Variants in ZSCAN29 observed in about 807,000 individuals in gnomAD.
ZSCAN29 encodes zinc finger and SCAN domain-containing protein 29.
ZSCAN29 carries 55 observed loss-of-function variants against 71.9 expected under a neutral mutation model. That is an observed-to-expected ratio of 0.76 (90% confidence interval 0.62 to 0.96). The LOEUF (loss-of-function observed/expected upper bound fraction) is 0.96, where lower values mean the gene tolerates loss of function less well. Among genes scored for constraint, ZSCAN29 ranks in the 40% least tolerant of loss-of-function variants. The probability of loss-of-function intolerance (pLI) is 0.00; values close to 1 mark genes in which losing one functional copy is unlikely to be tolerated. For missense variants in ZSCAN29, 1,042 were observed against 1,042.2 expected, an observed-to-expected ratio of 1.00 and a Z score of 0.00; for synonymous variants, 351 against 371.6, an observed-to-expected ratio of 0.94 and a Z score of 0.64.
intron 2 of ZSCAN29, 95 bp downstream of exon 2, chr15:43,369,501 G>C: frequency 7.3e-7 from 1 of 1,371,068 alleles, no homozygotes; most frequent in Non-Finnish European, 1.0e-6. Context: ...GCCTCACCAA[G>C]GGAGACTGTG....
Position 43,360,936 on chromosome 15 carries a change from G to T in ZSCAN29, c.*137C>A. ...TTTGAGTCTAGATCAGGAAAAACAA[G>T]GAACAAACAGTGGCATAAATCCTAA... is the stretch of plus-strand genomic sequence containing the variant. On this transcript the variant is annotated 3_prime_UTR_variant, in exon 6 of 6. Coordinates refer to ENST00000684362, the MANE Select transcript of ZSCAN29 (RefSeq NM_001372080.1). 2 of 1,234,244 alleles carry T rather than the reference G, an allele frequency of 1.6e-6. No individual in the cohort carries two copies. The highest frequency in any genetic ancestry group is 2.3e-5 in the East Asian group (1 of 42,656). 76.5% of individuals were successfully genotyped at this position (1,234,244 alleles called of 1,614,324 possible).
Position 43,366,228 on chromosome 15 carries a change from C to G in ZSCAN29, c.1104G>C (p.Gln368His). Residue 368 changes from glutamine (Q) to histidine (H), a missense_variant, in exon 4 of 6, where the codon CAG (glutamine) becomes CAC (histidine). By Grantham distance (24) the Gln-to-His change is conservative. Coordinates refer to ENST00000684362, the MANE Select transcript of ZSCAN29 (RefSeq NM_001372080.1). ...ETEEPGQRGW[Q>H]HEEGAEEAVA... ...CAGCCTCTTCTGCTCCCTCCTCATG[C>G]TGCCAGCCCCTCTGCCCTGGCTCTT... The G allele has an allele frequency of 6.2e-7, 1 of 1,613,898 alleles. No homozygotes were observed. Among genetic ancestry groups the G allele is most frequent in the Non-Finnish European group, 8.5e-7 (1 of 1,180,038 alleles).
intron 5 of ZSCAN29, 189 bp downstream of exon 5, chr15:43,363,726 G>A: frequency 1.8e-6 from 1 of 555,890 alleles, no homozygotes; most frequent in Non-Finnish European, 3.1e-6. Context: ...GCTCTAGTGT[G>A]GGAAGTCAAG....
At chr15:43,364,927 A>C (rs993704915) in intron 4 of ZSCAN29, among the ~76,000 whole-genome samples, 2 of 151,780 alleles carry the variant, frequency 1.3e-5, no homozygotes, top group Non-Finnish European at 2.9e-5. Flanking sequence ...TGAAAGAACA[A>C]TGATAATGAA....
intron 3 of ZSCAN29, 52 bp downstream of exon 3, chr15:43,368,871 A>G: frequency 6.7e-7 from 1 of 1,497,738 alleles, no homozygotes. Flanking sequence ...TCCCAACCCT[A>G]CTTCCCAACT....
rs1029706906 is a variant in ZSCAN29 at position 43,358,401 on chromosome 15, ATC to A, written c.*2670_*2671del. The A allele has an allele frequency of 4.6e-5, 7 of 151,948 alleles. No homozygotes were observed. Among genetic ancestry groups the A allele is most frequent in the Admixed American group, 4.6e-4 (7 of 15,250 alleles). 9.4% of individuals were successfully genotyped at this position (151,948 alleles called of 1,614,324 possible). On this transcript the variant is annotated 3_prime_UTR_variant, in exon 6 of 6. Coordinates refer to ENST00000684362, the MANE Select transcript of ZSCAN29 (RefSeq NM_001372080.1). ...GACATTACAGCACACTTCCTAAATC[ATC>A]TGAGATCCTGAGGCACTGCTTCAGA...
chr15:43,369,563 A>C lies in ZSCAN29; in HGVS notation c.318+33T>G, dbSNP rs910166518. The C allele has an allele frequency of 3.1e-6, 5 of 1,590,954 alleles. No individual in the cohort carries two copies. The South Asian group carries it at 4.6e-5, about 15-fold the overall frequency. ...AATTTAGCCCTCCACCCAGTATCAC[A>C]CTTTTGAATTTGAATTCCCCCTCCC... is the stretch of plus-strand genomic sequence containing the variant. On this transcript the variant is annotated intron_variant, in intron 2 of 5. Transcript: ENST00000684362.
chr15:43,367,243 C>G (rs1023686311), intron 3 of ZSCAN29, among the ~76,000 whole-genome samples: 3 of 152,150 alleles, frequency 2.0e-5, no homozygotes, highest in Non-Finnish European at 2.9e-5. Flanking sequence ...CCTTAGTAGT[C>G]CTTCCTCTCT....
rs141062118 is a variant in ZSCAN29, at chr15:43,366,775, C to T, written c.557G>A (p.Arg186Lys). The T allele has an allele frequency of 1.5e-5, 24 of 1,613,488 alleles. No homozygotes were observed. In the African/African-American group the frequency reaches 2.9e-4, roughly 20 times the overall value. Reference sequence around the variant, plus strand: ...GATCCATGGCTCTCCTTGCTCCAACCTGGAGACCACACCGGATTTAGGAAA... The same window carrying T: ...GATCCATGGCTCTCCTTGCTCCAACTTGGAGACCACACCGGATTTAGGAAA... ...LPFPKSGVVS[R>K]LEQGEPWIPD... The change falls in exon 4 of 6, where the codon AGG becomes AAG. Residue 186 changes from arginine (R) to lysine (K), a missense_variant. Arg to Lys is a conservative substitution (Grantham distance 26). Transcript: ENST00000684362.
chr15:43,368,680 C>T (rs1052959595), intron 3 of ZSCAN29, among the ~76,000 whole-genome samples: 3 of 151,806 alleles, frequency 2.0e-5, no homozygotes, highest in South Asian at 2.1e-4. Context: ...AAAATAATGA[C>T]CTATACTATC....
Position 43,369,736 on chromosome 15 carries a change from G to A in ZSCAN29, c.178C>T (p.Leu60=). The A allele has an allele frequency of 6.2e-7, 1 of 1,614,234 alleles. No homozygotes were observed. Among genetic ancestry groups the A allele is most frequent in the Non-Finnish European group, 8.5e-7 (1 of 1,180,052 alleles). Residue 60 remains leucine, a synonymous_variant, in exon 2 of 6, where the codon CTG becomes TTG. Coordinates refer to ENST00000684362, the MANE Select transcript of ZSCAN29 (RefSeq NM_001372080.1). ...EVRTKEQIVE[L]LVLEQFLTVL... is the part of the protein sequence containing the mutation. ...GTCAGGAACTGCTCTAGCACCAACA[G>A]TTCTACAATCTGCTCCTTGGTGCGC... is the stretch of plus-strand genomic sequence containing the variant.
chr15:43,363,980 T>A lies in ZSCAN29; in HGVS notation c.1625A>T (p.Glu542Val). Residue 542 changes from glutamate to valine, a missense_variant, in exon 5 of 6, where the codon GAG (glutamate) becomes GTG (valine). Coordinates refer to ENST00000684362, the MANE Select transcript of ZSCAN29 (RefSeq NM_001372080.1). ...ATEEDSDDDE[E>V]DTEIPPGAVI... Reference sequence around the variant, plus strand: ...AGCCCCTGGGGGTATCTCAGTATCCTCTTCATCATCATCAGAATCTTCCTC... The same window carrying A: ...AGCCCCTGGGGGTATCTCAGTATCCACTTCATCATCATCAGAATCTTCCTC... The A allele has an allele frequency of 6.2e-7, 1 of 1,613,940 alleles. No homozygotes were observed. The highest frequency in any genetic ancestry group is 2.2e-5 in the East Asian group (1 of 44,886).
rs983439332 is a variant in ZSCAN29, at chr15:43,359,362, A to G, written c.*1711T>C. The G allele has an allele frequency of 6.6e-6, 1 of 152,272 alleles. No homozygotes were observed. Among genetic ancestry groups the G allele is most frequent in the East Asian group, 1.9e-4 (1 of 5,200 alleles). 9.4% of individuals were successfully genotyped at this position (152,272 alleles called of 1,614,324 possible). A position where few individuals can be genotyped will look rare whatever the true frequency, so the allele number is the denominator to read the frequency against. On this transcript the variant is annotated 3_prime_UTR_variant, in exon 6 of 6. Transcript: ENST00000684362. ...AGGACCTGTTGACCTTGTGCTATAC[A>G]GGGCTCATCATACTATGAGCATATG...
rs1566886146 is a variant in ZSCAN29, at chr15:43,370,979, C to CGGCCCCGGCCCCGGCCCT, written c.-535_-534insAGGGCCGGGGCCGGGGCC. ...CCCACTCGGGGTCCGACCCTGACCC[C>CGGCCCCGGCCCCGGCCCT]GGCCCCGGCCCCGGCCCCGGCCCCG... On this transcript the variant is annotated 5_prime_UTR_variant, in exon 1 of 6. Coordinates refer to ENST00000684362, the MANE Select transcript of ZSCAN29 (RefSeq NM_001372080.1). The CGGCCCCGGCCCCGGCCCT allele has an allele frequency of 1.6e-5, 2 of 121,280 alleles. No homozygotes were observed. Among genetic ancestry groups the CGGCCCCGGCCCCGGCCCT allele is most frequent in the Admixed American group, 1.1e-4 (1 of 9,256 alleles). The allele number at this position is 121,280 out of a possible 1,614,324, so 7.5% of individuals were successfully genotyped here.
rs1273811782 is a variant in ZSCAN29 at position 43,369,766 on chromosome 15, C to T, written c.148G>A (p.Glu50Lys). Residue 50 changes from glutamate (E) to lysine (K), a missense_variant, in exon 2 of 6, where the codon GAG becomes AAG. Physicochemically the swap from Glu to Lys is moderately conservative, Grantham distance 56 (BLOSUM62 1). Transcript: ENST00000684362. ...WELCCRWLRPEVRTKEQIVEL... is the reference protein window; with the variant it reads ...WELCCRWLRPKVRTKEQIVEL... ...ACAATCTGCTCCTTGGTGCGCACCT[C>T]CGGCCTTAGCCACCGACAGCAAAGT... The T allele has an allele frequency of 1.9e-6, 3 of 1,614,288 alleles. No individual in the cohort carries two copies. Among genetic ancestry groups the T allele is most frequent in the Non-Finnish European group, 2.5e-6 (3 of 1,180,062 alleles).
chr15:43,370,268 C>G (rs1420290258), intron 1 of ZSCAN29: 1 of 250,418 alleles, frequency 4.0e-6, no homozygotes, highest in African/African-American at 2.3e-5. Flanking sequence ...ATTTAACTTC[C>G]CTGGCCAATG....
chr15:43,358,580 T>C lies in ZSCAN29; in HGVS notation c.*2493A>G, dbSNP rs774843974. ...ACACAACAAGCTATGAATTATAGAA[T>C]ACTATATCTTCCTACTGCTCTCCCT... On this transcript the variant is annotated 3_prime_UTR_variant, in exon 6 of 6. Transcript: ENST00000684362. The C allele has an allele frequency of 2.1e-4, 32 of 152,230 alleles. No individual in the cohort carries two copies. The highest frequency in any genetic ancestry group is 1.4e-3 in the Admixed American group (22 of 15,286). 9.4% of individuals were successfully genotyped at this position (152,230 alleles called of 1,614,324 possible). A position where few individuals can be genotyped will look rare whatever the true frequency, so the allele number is the denominator to read the frequency against.
intron 4 of ZSCAN29, among the ~76,000 whole-genome samples, chr15:43,365,068 G>A (rs551058043): frequency 1.3e-5 from 2 of 151,940 alleles, no homozygotes; most frequent in South Asian, 4.2e-4. Context: ...ACAAAGACCA[G>A]AAAGCTAGAA....
intron 5 of ZSCAN29, 196 bp downstream of exon 5, chr15:43,363,719 C>G (rs2042726172): frequency 5.6e-6 from 3 of 539,538 alleles, no homozygotes; most frequent in South Asian, 3.2e-5. Flanking sequence ...GATTGATGCT[C>G]TAGTGTGGGA....
Sources: allele counts gnomAD v4.1 joint callset (sites outside exome capture counted in the v4.1 genomes callset), GRCh38; gene constraint gnomAD v4.1.1; transcripts MANE v1.5; gene names NCBI Gene and HGNC (gene_info 2026-07-23, HGNC 2026-07-21).